NFIA: variants seen among roughly 807,000 people sequenced by gnomAD.
The protein encoded by NFIA is nuclear factor 1 A-type.
A neutral mutation model predicts 62.8 loss-of-function variants in NFIA; 8 were observed. The ratio of observed to expected loss-of-function variants is 0.13; its 90% confidence interval spans 0.07 to 0.23. The LOEUF (loss-of-function observed/expected upper bound fraction) is 0.23, where lower values mean the gene tolerates loss of function less well. NFIA is among the 10% of genes least tolerant of loss of function. NFIA has a pLI of 1.00. For missense variants in NFIA, 410 were observed against 642.1 expected, an observed-to-expected ratio of 0.64 and a Z score of 3.91; for synonymous variants, 235 against 238.1, an observed-to-expected ratio of 0.99 and a Z score of 0.12.
chr1:61,440,701 C>T (rs2100573790), intron 10 of NFIA, among the ~76,000 whole-genome samples: 1 of 150,682 alleles, frequency 6.6e-6, no homozygotes, highest in South Asian at 2.1e-4. Flanking sequence ...GGAAAAAGAA[C>T]ATCTATTTTG....
chr1:61,155,386 A>G (rs531143389), intron 2 of NFIA, among the ~76,000 whole-genome samples: 120 of 152,312 alleles, frequency 7.9e-4, no homozygotes, highest in African/African-American at 1.1e-3. Flanking sequence ...TTAAAATTCT[A>G]GAGTTGGCCG....
chr1:61,429,037 G>A (rs2207792), intron 10 of NFIA, among the ~76,000 whole-genome samples: 98,246 of 152,016 alleles, frequency 0.65, 32,463 homozygotes, highest in East Asian at 0.87. Flanking sequence ...AAAGGCCAGT[G>A]TCCAGTGGAA....
chr1:61,261,582 C>T (rs1323045923), intron 2 of NFIA, among the ~76,000 whole-genome samples: 1 of 152,156 alleles, frequency 6.6e-6, no homozygotes, highest in Non-Finnish European at 1.5e-5. Flanking sequence ...TATCAGGATG[C>T]AACCCCCATC....
chr1:61,186,676 T>C (rs1315145695), intron 2 of NFIA, among the ~76,000 whole-genome samples: 1 of 152,200 alleles, frequency 6.6e-6, no homozygotes, highest in Non-Finnish European at 1.5e-5. Context: ...TTAAGTTTCT[T>C]TTTAGGTAAA....
At chr1:61,179,452 G>A (rs2100559056) in intron 2 of NFIA, among the ~76,000 whole-genome samples, 1 of 152,314 alleles carries the variant, frequency 6.6e-6, no homozygotes, top group African/African-American at 2.4e-5. Flanking sequence ...CTATAAAGTG[G>A]ACATAGCTGC....
In NFIA at chr1:61,243,190, G is replaced by A. The variant is rs140760031; in HGVS notation, c.560-34330G>A. On this transcript the variant is annotated intron_variant, in intron 2 of 10. Transcript: ENST00000403491. Reference sequence around the variant, plus strand: ...AAATCTGAACTCTGTATCCTTCAGCGTAGAAGATCAATGTTCATTAAGATG... The same window carrying A: ...AAATCTGAACTCTGTATCCTTCAGCATAGAAGATCAATGTTCATTAAGATG... Among the ~76,000 whole-genome samples the A allele has an allele frequency of 4.7e-3, 714 of 152,152 alleles. 5 individuals carry two copies. The highest frequency in any genetic ancestry group is 0.016 in the African/African-American group (657 of 41,500).
intron 2 of NFIA, among the ~76,000 whole-genome samples, chr1:61,145,022 C>A (rs2100512175): frequency 6.6e-6 from 1 of 152,240 alleles, no homozygotes; most frequent in South Asian, 2.1e-4. Flanking sequence ...TTCCCCTTTA[C>A]CTCTTAATTT....
At chr1:61,296,734 A>G (rs1557689751) in intron 3 of NFIA, among the ~76,000 whole-genome samples, 1 of 152,162 alleles carries the variant, frequency 6.6e-6, no homozygotes, top group East Asian at 1.9e-4. Flanking sequence ...TGTAACTTTA[A>G]GACATCAAAG....
intron 2 of NFIA, among the ~76,000 whole-genome samples, chr1:61,225,705 G>C (rs941750886): frequency 1.3e-5 from 2 of 151,728 alleles, no homozygotes; most frequent in African/African-American, 4.8e-5. Context: ...CTTTTCTATC[G>C]CAATATATAT....
intron 2 of NFIA, among the ~76,000 whole-genome samples, chr1:61,248,252 A>G (rs1175299652): frequency 6.6e-6 from 1 of 152,216 alleles, no homozygotes; most frequent in African/African-American, 2.4e-5. Context: ...GCAGTAAAAT[A>G]TGTAATATCA....
intron 9 of NFIA, among the ~76,000 whole-genome samples, chr1:61,413,440 G>C (rs1042290284): frequency 1.3e-5 from 2 of 152,018 alleles, no homozygotes; most frequent in East Asian, 3.9e-4. Context: ...TTGGAAGATG[G>C]AGGTTACATT....
At chr1:61,452,399 G>A (rs941876692) in intron 10 of NFIA, among the ~76,000 whole-genome samples, 1 of 152,126 alleles carries the variant, frequency 6.6e-6, no homozygotes, top group African/African-American at 2.4e-5. Context: ...TCAAGTAGCT[G>A]GGTTAATTGT....
intron 6 of NFIA, among the ~76,000 whole-genome samples, chr1:61,366,818 G>A (rs371922746): frequency 9.3e-4 from 141 of 152,232 alleles, no homozygotes; most frequent in African/African-American, 3.1e-3. Context: ...AGCTACTAGG[G>A]AGGCTGAGGC....
intron 2 of NFIA, among the ~76,000 whole-genome samples, chr1:61,200,089 T>C (rs1652368077): frequency 7.4e-6 from 1 of 135,868 alleles, no homozygotes; most frequent in African/African-American, 2.7e-5. Flanking sequence ...GAGCTAGAAT[T>C]ATGCAATTCC....
intron 2 of NFIA, among the ~76,000 whole-genome samples, chr1:61,217,371 T>C (rs1653700261): frequency 2.6e-5 from 4 of 152,086 alleles, no homozygotes; most frequent in Admixed American, 1.3e-4. Context: ...CCTGGCCGAT[T>C]AAACTTTTCA....
chr1:61,256,369 G>GGTTGCAGTGAGC (rs1428283908), intron 2 of NFIA, among the ~76,000 whole-genome samples: 62 of 148,312 alleles, frequency 4.2e-4, no homozygotes, highest in African/African-American at 1.5e-3. Flanking sequence ...CGAGGAGACA[G>GGTTGCAGTGAGC]AGGTTGCAGT....
At chr1:61,085,328 A>G (rs759183330) in intron 1 of NFIA, among the ~76,000 whole-genome samples, 29 of 152,230 alleles carry the variant, frequency 1.9e-4, no homozygotes, top group Non-Finnish European at 3.1e-4. Context: ...AGTAGTTTCC[A>G]GAAATATCAG....
intron 2 of NFIA, among the ~76,000 whole-genome samples, chr1:61,096,410 G>A (rs1171244207): frequency 3.3e-5 from 5 of 151,948 alleles, no homozygotes; most frequent in Admixed American, 3.3e-4. Flanking sequence ...CTCCATGTTG[G>A]TCAGGCTGGT....
chr1:61,194,349 T>C (rs1240287635), intron 2 of NFIA, among the ~76,000 whole-genome samples: 2 of 152,214 alleles, frequency 1.3e-5, no homozygotes, highest in Admixed American at 6.5e-5. Flanking sequence ...AAAGACACCA[T>C]GTCTCAGATC....
Sources: allele counts gnomAD v4.1 joint callset (sites outside exome capture counted in the v4.1 genomes callset), GRCh38; gene constraint gnomAD v4.1.1; transcripts MANE v1.5; gene names NCBI Gene and HGNC (gene_info 2026-07-23, HGNC 2026-07-21).